Variants in CCDC102B observed in about 807,000 individuals in gnomAD.
CCDC102B encodes the protein coiled-coil domain-containing protein 102B.
In CCDC102B, 75 loss-of-function variants were observed where a neutral mutation model predicts 57.4. The ratio of observed to expected loss-of-function variants is 1.31; its 90% CI spans 1.08 to 1.58. CCDC102B has a LOEUF of 1.58. CCDC102B is among the 40% of genes most tolerant of loss of function. The pLI is 0.00. For missense variants in CCDC102B, 636 were observed against 582.6 expected, an observed-to-expected ratio of 1.09 and a Z score of -0.94; for synonymous variants, 206 against 201.9, an observed-to-expected ratio of 1.02 and a Z score of -0.17.
chr18:68,738,038 G>A (rs2033222576), intron 2 of CCDC102B, among the ~76,000 whole-genome samples: 1 of 152,112 alleles, frequency 6.6e-6, no homozygotes. Flanking sequence ...CATTTAATGT[G>A]TGTATTGCAT....
At chr18:68,972,904 T>A (rs2050338041) in intron 6 of CCDC102B, among the ~76,000 whole-genome samples, 1 of 152,156 alleles carries the variant, frequency 6.6e-6, no homozygotes, top group Admixed American at 6.5e-5. Flanking sequence ...AGATCTGCAA[T>A]AGTAAAAGAA....
At chr18:68,845,409 G>A (rs895408788) in intron 3 of CCDC102B, among the ~76,000 whole-genome samples, 24 of 151,706 alleles carry the variant, frequency 1.6e-4, no homozygotes, top group African/African-American at 5.8e-4. Flanking sequence ...AACAATCAAA[G>A]TGTATTTACC....
chr18:68,942,645 C>T (rs1208324666), intron 6 of CCDC102B, among the ~76,000 whole-genome samples: 1 of 151,974 alleles, frequency 6.6e-6, no homozygotes, highest in Non-Finnish European at 1.5e-5. Flanking sequence ...CAGCATGTCT[C>T]AACTCCAGCC....
intron 2 of CCDC102B, among the ~76,000 whole-genome samples, chr18:68,750,797 C>T (rs1259774418): frequency 3.1e-5 from 3 of 96,590 alleles, no homozygotes; most frequent in African/African-American, 4.4e-5. Context: ...CAGGGCCTGT[C>T]GTGGGGTGGG....
At chr18:68,927,547 G>GA (rs2041515099) in intron 6 of CCDC102B, among the ~76,000 whole-genome samples, 1 of 151,964 alleles carries the variant, frequency 6.6e-6, no homozygotes, top group Non-Finnish European at 1.5e-5. Context: ...TACCTGGGAA[G>GA]ACGCCAAATA....
At chr18:68,866,792 T>C (rs1443363175) in intron 4 of CCDC102B, 2 of 691,654 alleles carry the variant, frequency 2.9e-6, no homozygotes, top group Non-Finnish European at 5.5e-6. Context: ...GTGCTTTTGC[T>C]CCCTGGGAAC....
chr18:68,738,992 C>CATTTTTTTT (rs2033264249), intron 2 of CCDC102B, among the ~76,000 whole-genome samples: 1 of 124,148 alleles, frequency 8.1e-6, no homozygotes, highest in African/African-American at 3.5e-5. Flanking sequence ...AGATGAGCAG[C>CATTTTTTTT]CTTTTGTTTT....
intron 2 of CCDC102B, among the ~76,000 whole-genome samples, chr18:68,782,375 T>C (rs1311068325): frequency 6.6e-6 from 1 of 152,050 alleles, no homozygotes; most frequent in Non-Finnish European, 1.5e-5. Context: ...CACACACACA[T>C]ATAAAAATGT....
chr18:69,017,740 C>T (rs2051708927), intron 7 of CCDC102B, among the ~76,000 whole-genome samples: 1 of 152,100 alleles, frequency 6.6e-6, no homozygotes, highest in Admixed American at 6.5e-5. Flanking sequence ...GTACTTTCAA[C>T]CTTTAGAACA....
At position 68,832,108 on chromosome 18, in the gene CCDC102B, G is replaced by GAA. The variant is rs5825875; in HGVS notation, c.-15-4632_-15-4631dup. 4.7e-5 allele frequency among the ~76,000 whole-genome samples: 7 copies of GAA among 148,372 alleles called. No individual in the cohort carries two copies. The East Asian group carries it at 9.8e-4, about 21-fold the overall frequency. On this transcript the variant is annotated intron_variant, in intron 1 of 7. Transcript: ENST00000360242. ...GCATTACAGGTCCTATGCTTTTTAG[G>GAA]AAAAAAAAAATTCAACAAAGGTTTC...
chr18:69,008,422 G>A (rs186893132), intron 6 of CCDC102B, among the ~76,000 whole-genome samples: 28 of 152,294 alleles, frequency 1.8e-4, no homozygotes, highest in African/African-American at 6.7e-4. Flanking sequence ...TAGCTGCCCA[G>A]ACCAAATCTG....
chr18:68,998,995 TATATAGAGAG>T (rs1237715639), intron 6 of CCDC102B, among the ~76,000 whole-genome samples: 426 of 42,422 alleles, frequency 0.01, 1 homozygote, highest in South Asian at 0.017. Flanking sequence ...TATATATATA[TATATAGAGAG>T]AGAGAGAGAG....
intron 6 of CCDC102B, among the ~76,000 whole-genome samples, chr18:69,006,316 T>G (rs1417228849): frequency 6.6e-6 from 1 of 152,168 alleles, no homozygotes; most frequent in South Asian, 2.1e-4. Flanking sequence ...AAAATGAGTG[T>G]GTGGGGAGAT....
intron 2 of CCDC102B, among the ~76,000 whole-genome samples, chr18:68,792,962 A>G (rs1688297876): frequency 6.6e-6 from 1 of 152,180 alleles, no homozygotes; most frequent in South Asian, 2.1e-4. Flanking sequence ...GGAAGAAAAT[A>G]ATATTTTCTA....
At chr18:69,037,032 CACACA>C (rs2052313801) in intron 7 of CCDC102B, among the ~76,000 whole-genome samples, 2 of 109,960 alleles carry the variant, frequency 1.8e-5, no homozygotes, top group African/African-American at 8.2e-5. Context: ...TATATATACA[CACACA>C]CACACACACA....
chr18:68,902,155 C>T (rs540696997), intron 6 of CCDC102B: 6 of 152,294 alleles, frequency 3.9e-5, no homozygotes, highest in Non-Finnish European at 5.9e-5. Context: ...AGTTATTTTT[C>T]ATCTTTGATT....
intron 6 of CCDC102B, among the ~76,000 whole-genome samples, chr18:68,944,638 T>C (rs565735958): frequency 1.1e-3 from 27 of 24,934 alleles, no homozygotes; most frequent in Non-Finnish European, 1.9e-3. Context: ...ATCAAACTGG[T>C]GATTAGGTTA....
chr18:69,055,179 T>G lies in CCDC102B; in HGVS notation c.*1042T>G, dbSNP rs1406996353. 5 of 970,160 alleles carry G rather than the reference T, an allele frequency of 5.2e-6. No individual in the cohort carries two copies. Among genetic ancestry groups the G allele is most frequent in the Non-Finnish European group, 6.1e-6 (5 of 816,078 alleles). 60.1% of individuals were successfully genotyped at this position (970,160 alleles called of 1,614,324 possible). On this transcript the variant is annotated 3_prime_UTR_variant, in exon 8 of 8. Transcript: ENST00000360242. Reference sequence around the variant, plus strand: ...ATTCATTATTGAATAAAGACCACTTTTATCAGAGTCTCTCATTGTAAAAGC... The same window carrying G: ...ATTCATTATTGAATAAAGACCACTTGTATCAGAGTCTCTCATTGTAAAAGC...
chr18:68,953,257 G>A (rs1002189933), intron 6 of CCDC102B, among the ~76,000 whole-genome samples: 5 of 151,726 alleles, frequency 3.3e-5, no homozygotes, highest in Non-Finnish European at 4.4e-5. Flanking sequence ...TCACGTTTAG[G>A]AACCTATGTA....
Sources: gnomAD v4.1 joint callset for allele counts (sites outside exome capture counted in the v4.1 genomes callset) on GRCh38, gnomAD v4.1.1 for gene constraint, MANE v1.5 for transcripts, NCBI Gene and HGNC (gene_info 2026-07-23, HGNC 2026-07-21) for gene names.